Variants in AUTS2 observed in about 807,000 individuals in gnomAD.
AUTS2 encodes autism susceptibility gene 2 protein.
Under a neutral mutation model 112.4 loss-of-function variants are expected in AUTS2, and 17 were observed. That is an observed-to-expected ratio of 0.15 (90% CI 0.10 to 0.23). AUTS2 has a LOEUF of 0.23. Among genes scored for constraint, AUTS2 ranks in the 10% least tolerant of loss-of-function variants. AUTS2 has a pLI of 1.00. For missense variants in AUTS2, 1,510 were observed against 1,701.6 expected (o/e 0.89, Z 1.98); for synonymous variants, 751 against 702.7 (o/e 1.07, Z -1.09).
chr7:69,642,597 A>T (rs1330407587), intron 1 of AUTS2, among the ~76,000 whole-genome samples: 1 of 152,224 alleles, frequency 6.6e-6, no homozygotes, highest in Non-Finnish European at 1.5e-5. Context: ...TGAATAAGTC[A>T]CTGAACCTTT....
intron 2 of AUTS2, among the ~76,000 whole-genome samples, chr7:69,925,320 A>C (rs1265186208): frequency 1.3e-5 from 2 of 152,176 alleles, no homozygotes; most frequent in Non-Finnish European, 2.9e-5. Context: ...TGGCTTTTAA[A>C]AGTAGGAGCT....
intron 6 of AUTS2, among the ~76,000 whole-genome samples, chr7:70,726,373 T>A (rs1287295280): frequency 6.6e-6 from 1 of 152,096 alleles, no homozygotes; most frequent in Non-Finnish European, 1.5e-5. Flanking sequence ...ATTGACTCAT[T>A]TCCACCACAT....
At chr7:70,516,299 C>T (rs1799416025) in intron 5 of AUTS2, among the ~76,000 whole-genome samples, 1 of 152,186 alleles carries the variant, frequency 6.6e-6, no homozygotes, top group Non-Finnish European at 1.5e-5. Context: ...CCGCACCTTA[C>T]CCACCAGGAT....
chr7:70,442,761 G>A (rs1796171204), intron 5 of AUTS2, among the ~76,000 whole-genome samples: 1 of 152,134 alleles, frequency 6.6e-6, no homozygotes, highest in South Asian at 2.1e-4. Flanking sequence ...GTGTTGGGAT[G>A]ACAGTCATGA....
intron 2 of AUTS2, among the ~76,000 whole-genome samples, chr7:70,113,486 T>C (rs560994108): frequency 2.0e-5 from 3 of 152,186 alleles, no homozygotes; most frequent in Non-Finnish European, 4.4e-5. Context: ...TCTATGGGTA[T>C]ATTAAAATTT....
At chr7:70,279,303 C>T (rs937358566) in intron 4 of AUTS2, among the ~76,000 whole-genome samples, 1 of 152,282 alleles carries the variant, frequency 6.6e-6, no homozygotes, top group Admixed American at 6.5e-5. Context: ...TATTTAAGAG[C>T]AGTGCTTACC....
chr7:70,287,531 G>T (rs1788516358), intron 4 of AUTS2, among the ~76,000 whole-genome samples: 1 of 152,236 alleles, frequency 6.6e-6, no homozygotes, highest in Non-Finnish European at 1.5e-5. Context: ...TAAACTAGTG[G>T]CTCCTCCCAG....
At chr7:69,634,321 C>T (rs1023916514) in intron 1 of AUTS2, among the ~76,000 whole-genome samples, 14 of 151,950 alleles carry the variant, frequency 9.2e-5, no homozygotes, top group African/African-American at 2.7e-4. Flanking sequence ...AGGGTTTCAC[C>T]GTGTTAGCCA....
chr7:70,407,862 G>T (rs1019176405), intron 4 of AUTS2, among the ~76,000 whole-genome samples: 1 of 151,996 alleles, frequency 6.6e-6, no homozygotes. Context: ...AGACCATCCT[G>T]GCTAACACGG....
chr7:69,998,385 T>C (rs1799041265), intron 2 of AUTS2, among the ~76,000 whole-genome samples: 1 of 152,118 alleles, frequency 6.6e-6, no homozygotes, highest in Non-Finnish European at 1.5e-5. Flanking sequence ...TCTGTAATTC[T>C]AAGAGCTCCC....
chr7:70,232,804 A>G (rs1277986898), intron 4 of AUTS2, among the ~76,000 whole-genome samples: 1 of 152,176 alleles, frequency 6.6e-6, no homozygotes, highest in Non-Finnish European at 1.5e-5. Context: ...TTCTATTTTT[A>G]GAAAAAGTCA....
rs77971129 is a variant in AUTS2 at position 70,542,321 on chromosome 7, G to T, written c.690+106540G>T. On this transcript the variant is annotated intron_variant, in intron 5 of 18. Transcript: ENST00000342771. ...TTCCAAGTCATTGGTTAACGTAGTA[G>T]GTTAGTGGCAGAGTTGCACCTAGAC... Among the ~76,000 whole-genome samples, 1,118 of 152,326 alleles carry T rather than the reference G, an allele frequency of 7.3e-3. 8 individuals carry two copies. Among genetic ancestry groups the T allele is most frequent in the Non-Finnish European group, 0.013 (879 of 68,040 alleles).
chr7:69,943,415 A>G (rs1259890697), intron 2 of AUTS2, among the ~76,000 whole-genome samples: 1 of 152,218 alleles, frequency 6.6e-6, no homozygotes, highest in Non-Finnish European at 1.5e-5. Context: ...GAATTATTGC[A>G]TAATTCATTT....
At chr7:70,667,155 G>T (rs1393798845) in intron 5 of AUTS2, among the ~76,000 whole-genome samples, 1 of 152,022 alleles carries the variant, frequency 6.6e-6, no homozygotes, top group Non-Finnish European at 1.5e-5. Flanking sequence ...ACTACACTTG[G>T]CATAAACATT....
intron 4 of AUTS2, among the ~76,000 whole-genome samples, chr7:70,140,065 T>C (rs1409869673): frequency 6.6e-6 from 1 of 152,204 alleles, no homozygotes; most frequent in African/African-American, 2.4e-5. Context: ...AGATGCCCTT[T>C]CATTCTTTGA....
intron 2 of AUTS2, among the ~76,000 whole-genome samples, chr7:70,086,745 T>C (rs1185319884): frequency 6.6e-6 from 1 of 152,082 alleles, no homozygotes; most frequent in Admixed American, 6.5e-5. Flanking sequence ...TAAATGGCAT[T>C]GTTTTATAAA....
chr7:70,105,112 T>G (rs1562697775), intron 2 of AUTS2, among the ~76,000 whole-genome samples: 1 of 152,214 alleles, frequency 6.6e-6, no homozygotes, highest in Non-Finnish European at 1.5e-5. Flanking sequence ...TGGGTTCTAG[T>G]CTTGACTCTG....
intron 1 of AUTS2, among the ~76,000 whole-genome samples, chr7:69,819,433 T>G (rs1039439870): frequency 1.4e-4 from 22 of 152,166 alleles, no homozygotes; most frequent in Non-Finnish European, 2.9e-4. Context: ...AAACATTTCT[T>G]GGGGAAGTTT....
chr7:70,301,659 A>C (rs1789220505), intron 4 of AUTS2, among the ~76,000 whole-genome samples: 1 of 152,146 alleles, frequency 6.6e-6, no homozygotes, highest in African/African-American at 2.4e-5. Context: ...GTCAATTTAA[A>C]TTATATGTAG....
Sources: allele counts gnomAD v4.1 joint callset (sites outside exome capture counted in the v4.1 genomes callset), GRCh38; gene constraint gnomAD v4.1.1; transcripts MANE v1.5; gene names NCBI Gene and HGNC (gene_info 2026-07-23, HGNC 2026-07-21).